The following GFRAL variants were observed in gnomAD, a reference collection of about 807,000 sequenced individuals.
The protein encoded by GFRAL is GDNF family receptor alpha-like.
GFRAL carries 36 observed loss-of-function variants against 45.4 expected under a neutral mutation model. That is an observed-to-expected ratio of 0.79 (90% CI 0.61 to 1.05). The LOEUF (loss-of-function observed/expected upper bound fraction) is 1.05, where lower values mean the gene tolerates loss of function less well. Among genes scored for constraint, GFRAL ranks in the 50% least tolerant of loss-of-function variants. The pLI, the probability that GFRAL is intolerant of heterozygous loss-of-function variation, is 0.00. For synonymous variants in GFRAL, 166 were observed against 154.1 expected, an observed-to-expected ratio of 1.08 and a Z score of -0.57; for missense variants, 507 against 467.5, an observed-to-expected ratio of 1.08 and a Z score of -0.78.
At position 55,374,488 on chromosome 6, in the gene GFRAL, CT is replaced by C. The variant is rs536415969; in HGVS notation, c.952+15354del. Among the ~76,000 whole-genome samples, 20 of 151,522 alleles carry C rather than the reference CT, an allele frequency of 1.3e-4. 1 individual carries two copies. In the South Asian group the frequency reaches 3.7e-3, roughly 28 times the overall value. On this transcript the variant is annotated intron_variant, in intron 6 of 8. Coordinates refer to ENST00000340465, the MANE Select transcript of GFRAL (RefSeq NM_207410.2). ...TTTAATAGTGTTGCTTGTTTTTTTT[CT>C]TTTCAATTTGTTTAAGTTACTTGTA...
chr6:55,394,879 T>C (rs1347961232), intron 6 of GFRAL, among the ~76,000 whole-genome samples: 2 of 151,882 alleles, frequency 1.3e-5, no homozygotes, highest in Non-Finnish European at 2.9e-5. Flanking sequence ...ACTAAATACT[T>C]TTTGAGGAAA....
chr6:55,400,263 A>G (rs1768878783), intron 8 of GFRAL, among the ~76,000 whole-genome samples: 1 of 152,186 alleles, frequency 6.6e-6, no homozygotes, highest in African/African-American at 2.4e-5. Context: ...AGAAATATAC[A>G]TAAGTGTGTA....
intron 3 of GFRAL, among the ~76,000 whole-genome samples, chr6:55,346,584 C>G (rs1297030611): frequency 2.0e-5 from 3 of 151,888 alleles, no homozygotes; most frequent in Non-Finnish European, 4.4e-5. Flanking sequence ...GGAGATATAC[C>G]TAATGTAAAT....
intron 6 of GFRAL, among the ~76,000 whole-genome samples, chr6:55,374,938 C>T (rs11961254): frequency 0.039 from 5,976 of 151,930 alleles, 168 homozygotes; most frequent in African/African-American, 0.056. Flanking sequence ...GTTGTAGCTG[C>T]GTGGTCTTAT....
At chr6:55,384,802 G>A (rs932235390) in intron 6 of GFRAL, among the ~76,000 whole-genome samples, 2 of 149,228 alleles carry the variant, frequency 1.3e-5, no homozygotes, top group East Asian at 2.0e-4. Context: ...TCAGAACTTC[G>A]CAAATAGGAA....
chr6:55,382,034 C>T (rs1020872688), intron 6 of GFRAL, among the ~76,000 whole-genome samples: 1 of 151,840 alleles, frequency 6.6e-6, no homozygotes, highest in African/African-American at 2.4e-5. Flanking sequence ...TAATTCAAGT[C>T]TAGTTTCCTT....
intron 5 of GFRAL, among the ~76,000 whole-genome samples, chr6:55,357,882 C>T (rs1197658794): frequency 2.0e-5 from 3 of 151,574 alleles, no homozygotes; most frequent in Non-Finnish European, 3.0e-5. Flanking sequence ...TAGTCTCTAT[C>T]TGAATGACAA....
intron 6 of GFRAL, among the ~76,000 whole-genome samples, chr6:55,383,006 T>C (rs993105819): frequency 1.2e-4 from 19 of 152,072 alleles, no homozygotes; most frequent in Middle Eastern, 3.4e-3. Flanking sequence ...TTCTGGAAGA[T>C]CTAAGGCATA....
rs149116194 is a variant in GFRAL at position 55,332,416 on chromosome 6, T to G, written c.157+567T>G. Among the ~76,000 whole-genome samples, 60 of 151,864 alleles carry G rather than the reference T, an allele frequency of 4.0e-4. No homozygotes were observed. The East Asian group carries it at 0.012, about 29-fold the overall frequency. ...TGGAGAGTGACTGGTATTTTCTTTC[T>G]TTTTTCTTTTTTTTTTTATTTTGAG... On this transcript the variant is annotated intron_variant, in intron 2 of 8. Coordinates refer to ENST00000340465, the MANE Select transcript of GFRAL (RefSeq NM_207410.2).
At chr6:55,336,960 T>C (rs1767898335) in intron 3 of GFRAL, among the ~76,000 whole-genome samples, 1 of 152,100 alleles carries the variant, frequency 6.6e-6, no homozygotes, top group Non-Finnish European at 1.5e-5. Flanking sequence ...AATACTTTTT[T>C]AGCCTCTATT....
At chr6:55,332,512 C>G in intron 2 of GFRAL, among the ~76,000 whole-genome samples, 1 of 152,024 alleles carries the variant, frequency 6.6e-6, no homozygotes, top group Middle Eastern at 3.4e-3. Context: ...CTCCGCCTCC[C>G]GGGTTCAAAC....
rs138482823 is a variant in GFRAL, at chr6:55,393,210, A to G, written c.953-5970A>G. The stretch of plus-strand genomic sequence containing the variant: ...TTTGTTTTCCTGGATTCTAAAATAT[A>G]TCCCCTGGAGAAAGTAAATTTAGGT... On this transcript the variant is annotated intron_variant, in intron 6 of 8. Transcript: ENST00000340465. 5.5e-4 allele frequency among the ~76,000 whole-genome samples: 84 copies of G among 152,300 alleles called. 2 individuals are homozygous for G. The East Asian group carries it at 0.016, about 29-fold the overall frequency.
intron 6 of GFRAL, among the ~76,000 whole-genome samples, chr6:55,365,032 TATG>T (rs1768339864): frequency 1.3e-5 from 2 of 149,842 alleles, no homozygotes; most frequent in African/African-American, 2.5e-5. Context: ...CCTTGGGCAG[TATG>T]GCCATTTTCA....
intron 6 of GFRAL, among the ~76,000 whole-genome samples, chr6:55,382,230 G>A (rs1768620368): frequency 6.6e-6 from 1 of 151,798 alleles, no homozygotes; most frequent in Admixed American, 6.6e-5. Flanking sequence ...ACTTATAAAT[G>A]TTTGTTTTTC....
chr6:55,344,398 A>G lies in GFRAL; in HGVS notation c.317-5694A>G, dbSNP rs1475354510. Among the ~76,000 whole-genome samples, 4 of 152,350 alleles carry G rather than the reference A, an allele frequency of 2.6e-5. No individual in the cohort carries two copies. In the East Asian group the frequency reaches 5.8e-4, roughly 22 times the overall value. ...GCTGGTTCAAAGCATACGCAAATCA[A>G]TAAACATAACCCAGCATATAAACAG... On this transcript the variant is annotated intron_variant, in intron 3 of 8. Coordinates refer to ENST00000340465, the MANE Select transcript of GFRAL (RefSeq NM_207410.2).
intron 6 of GFRAL, among the ~76,000 whole-genome samples, chr6:55,395,760 T>G (rs1292494163): frequency 6.8e-6 from 1 of 147,372 alleles, no homozygotes; most frequent in East Asian, 2.0e-4. Flanking sequence ...AACTCTCAAC[T>G]ACTGTTGCAC....
intron 6 of GFRAL, among the ~76,000 whole-genome samples, chr6:55,364,568 T>G (rs1420633903): frequency 6.8e-6 from 1 of 146,288 alleles, no homozygotes; most frequent in Non-Finnish European, 1.5e-5. Flanking sequence ...TTTTATGGTT[T>G]TAGGTCTAAC....
intron 6 of GFRAL, among the ~76,000 whole-genome samples, chr6:55,382,598 T>G (rs1470400663): frequency 1.3e-5 from 2 of 152,092 alleles, no homozygotes; most frequent in East Asian, 3.9e-4. Context: ...TCTTACATTT[T>G]TGATTAAAAA....
chr6:55,363,663 C>T (rs1023082150), intron 6 of GFRAL, among the ~76,000 whole-genome samples: 36 of 145,552 alleles, frequency 2.5e-4, no homozygotes, highest in African/African-American at 8.4e-4. Context: ...GTTCAATTCC[C>T]ACCTATGAGT....
Sources: allele counts gnomAD v4.1 joint callset (sites outside exome capture counted in the v4.1 genomes callset), GRCh38; gene constraint gnomAD v4.1.1; transcripts MANE v1.5; gene names NCBI Gene and HGNC (gene_info 2026-07-23, HGNC 2026-07-21).